The following MEIS1 variants were observed in gnomAD, a reference collection of about 807,000 sequenced individuals.
MEIS1 encodes the protein Meis homeobox 1, also known as homeobox protein Meis1.
A neutral mutation model predicts 50.8 loss-of-function variants in MEIS1; 5 were observed. The observed-to-expected ratio is 0.10, with a 90% CI of 0.05 to 0.21. MEIS1 has a LOEUF of 0.21. MEIS1 is among the 10% of genes least tolerant of loss of function. MEIS1 has a pLI of 1.00. For missense variants in MEIS1, 318 were observed against 517.3 expected (o/e 0.61, Z 3.74); for synonymous variants, 176 against 179.3 (o/e 0.98, Z 0.15).
At chr2:66,568,796 C>T in intron 11 of MEIS1, 40 bp downstream of exon 11, 5 of 1,527,182 alleles carry the variant, frequency 3.3e-6, no homozygotes, top group Non-Finnish European at 4.5e-6. Context: ...ATTTTTGACT[C>T]CAAGAGTGTC....
intron 9 of MEIS1, among the ~76,000 whole-genome samples, chr2:66,553,606 G>A (rs1376700746): frequency 3.3e-5 from 5 of 152,240 alleles, no homozygotes; most frequent in South Asian, 2.1e-4. Context: ...CAAATAGCTC[G>A]CAGGGAAAAG....
chr2:66,475,211 TA>T (rs1466996070), intron 7 of MEIS1, among the ~76,000 whole-genome samples: 3 of 146,820 alleles, frequency 2.0e-5, no homozygotes, highest in Non-Finnish European at 4.5e-5. Context: ...CCTATATAAA[TA>T]AATATGTATA....
At chr2:66,443,273 A>G (rs991764293) in intron 6 of MEIS1, 16 of 504,060 alleles carry the variant, frequency 3.2e-5, no homozygotes, top group Middle Eastern at 5.0e-4. Context: ...CTTTGCTAGC[A>G]AACTTGACCT....
chr2:66,488,929 A>T (rs1193273625), intron 7 of MEIS1, among the ~76,000 whole-genome samples: 1 of 152,234 alleles, frequency 6.6e-6, no homozygotes. Context: ...AAATGTAAAT[A>T]TACTGCTGCT....
chr2:66,565,571 T>C (rs1434901493), intron 9 of MEIS1, among the ~76,000 whole-genome samples: 1 of 152,222 alleles, frequency 6.6e-6, no homozygotes, highest in South Asian at 2.1e-4. Context: ...TAGCAAATTA[T>C]TAACATCTCT....
chr2:66,514,783 C>A (rs1673922664), intron 8 of MEIS1, among the ~76,000 whole-genome samples: 1 of 152,122 alleles, frequency 6.6e-6, no homozygotes, highest in Non-Finnish European at 1.5e-5. Context: ...GATTCCTTCC[C>A]ACTTCTCTAA....
intron 7 of MEIS1, among the ~76,000 whole-genome samples, chr2:66,499,176 G>A (rs983846091): frequency 1.3e-5 from 2 of 152,096 alleles, no homozygotes; most frequent in African/African-American, 2.4e-5. Context: ...GAAACGATTG[G>A]ATTTTCAGAT....
chr2:66,561,664 A>G (rs1174694695), intron 9 of MEIS1, among the ~76,000 whole-genome samples: 3 of 152,228 alleles, frequency 2.0e-5, no homozygotes, highest in African/African-American at 7.2e-5. Flanking sequence ...CATTGCCACT[A>G]ATCAATCTAA....
chr2:66,469,191 T>TA (rs201295252), intron 7 of MEIS1, among the ~76,000 whole-genome samples: 38,387 of 144,918 alleles, frequency 0.26, 6,813 homozygotes, highest in African/African-American at 0.51. Flanking sequence ...TAGTACCACT[T>TA]AAAAAAAAAA....
intron 4 of MEIS1, 26 bp from the exon 5 acceptor site, chr2:66,441,388 T>A (rs1436999507): frequency 3.9e-6 from 6 of 1,534,630 alleles, no homozygotes; most frequent in Non-Finnish European, 5.3e-6. Context: ...AGGAATGGGG[T>A]GCTTATTGTT....
At chr2:66,530,542 G>A (rs921206288) in intron 8 of MEIS1, among the ~76,000 whole-genome samples, 2 of 152,200 alleles carry the variant, frequency 1.3e-5, no homozygotes, top group African/African-American at 2.4e-5. Flanking sequence ...GTGAAACCCC[G>A]TCTCTCCTAA....
chr2:66,520,411 G>A (rs958808331), intron 8 of MEIS1, among the ~76,000 whole-genome samples: 2 of 151,776 alleles, frequency 1.3e-5, no homozygotes, highest in Non-Finnish European at 2.9e-5. Flanking sequence ...AACCCGGGAG[G>A]TGGAGCTTGC....
intron 9 of MEIS1, among the ~76,000 whole-genome samples, chr2:66,552,280 C>T (rs1674940879): frequency 6.6e-6 from 1 of 152,138 alleles, no homozygotes; most frequent in African/African-American, 2.4e-5. Context: ...CTAGGGTGTA[C>T]TGAATACATT....
chr2:66,435,432 C>A lies in MEIS1; in HGVS notation c.-425C>A. The A allele has an allele frequency of 3.4e-6, 1 of 290,330 alleles. No homozygotes were observed. The highest frequency in any genetic ancestry group is 1.5e-4 in the South Asian group (1 of 6,644). 18.0% of individuals were successfully genotyped at this position (290,330 alleles called of 1,614,324 possible). A position where few individuals can be genotyped will look rare whatever the true frequency, so the allele number is the denominator to read the frequency against. On this transcript the variant is annotated 5_prime_UTR_variant, in exon 1 of 13. Transcript: ENST00000272369. ...GTGTTCTGACCAGAAGAAGACAGAG[C>A]GGATGATCATTCATTCACCACGTTG...
chr2:66,464,065 T>G, intron 6 of MEIS1, 44 bp from the exon 7 acceptor site: 2 of 1,403,642 alleles, frequency 1.4e-6, no homozygotes, highest in Middle Eastern at 1.8e-4. Flanking sequence ...CAATAAGGGT[T>G]CACAGATGCC....
At position 66,572,256 on chromosome 2, in the gene MEIS1, G is replaced by T. The variant is rs1354831542; in HGVS notation, c.*1048G>T. The T allele has an allele frequency of 1.3e-5, 2 of 152,120 alleles. No individual in the cohort carries two copies. The highest frequency in any genetic ancestry group is 2.4e-5 in the African/African-American group (1 of 41,402). The allele number at this position is 152,120 out of a possible 1,614,324, so 9.4% of individuals were successfully genotyped here. A position where few individuals can be genotyped will look rare whatever the true frequency, so the allele number is the denominator to read the frequency against. On this transcript the variant is annotated 3_prime_UTR_variant, in exon 13 of 13. Transcript: ENST00000272369. Reference sequence around the variant, plus strand: ...CCTAATTGTCACATCAAGCATCATTGTCCCCATGCAACAACCACCACCTTA... The same window carrying T: ...CCTAATTGTCACATCAAGCATCATTTTCCCCATGCAACAACCACCACCTTA...
chr2:66,530,538 C>A (rs1277851916), intron 8 of MEIS1, among the ~76,000 whole-genome samples: 1 of 152,072 alleles, frequency 6.6e-6, no homozygotes, highest in Non-Finnish European at 1.5e-5. Context: ...CACGGTGAAA[C>A]CCCGTCTCTC....
intron 6 of MEIS1, among the ~76,000 whole-genome samples, chr2:66,446,250 G>T (rs1280276395): frequency 6.6e-6 from 1 of 152,228 alleles, no homozygotes; most frequent in Non-Finnish European, 1.5e-5. Context: ...CGCCAAGAGG[G>T]GTTAGGCGAG....
chr2:66,471,241 T>C (rs879696190), intron 7 of MEIS1, among the ~76,000 whole-genome samples: 1 of 152,232 alleles, frequency 6.6e-6, no homozygotes, highest in Non-Finnish European at 1.5e-5. Flanking sequence ...AGTCATTTCT[T>C]ATATTTTCTG....
Sources: allele counts gnomAD v4.1 joint callset (sites outside exome capture counted in the v4.1 genomes callset), GRCh38; gene constraint gnomAD v4.1.1; transcripts MANE v1.5; gene names NCBI Gene and HGNC (gene_info 2026-07-23, HGNC 2026-07-21).